The following GLIS3 variants were observed in gnomAD, a reference collection of about 807,000 sequenced individuals.
The protein encoded by GLIS3 is GLIS family zinc finger 3, also known as zinc finger protein GLIS3.
Under a neutral mutation model 78.6 loss-of-function variants are expected in GLIS3, and 53 were observed. The ratio of observed to expected loss-of-function variants is 0.67; its 90% confidence interval spans 0.54 to 0.85. GLIS3 has a LOEUF of 0.85. Among genes scored for constraint, GLIS3 ranks in the 40% least tolerant of loss-of-function variants. GLIS3 has a pLI of 0.00. For synonymous variants in GLIS3, 684 were observed against 509.9 expected (o/e 1.34, Z -4.60); for missense variants, 1,703 against 1,231.1 (o/e 1.38, Z -5.74).
At chr9:4,403,203 A>G in the GLIS3 span, among the ~76,000 whole-genome samples, 11 of 152,290 alleles carry the variant, frequency 7.2e-5, no homozygotes, top group South Asian at 1.0e-3. Context: ...CTTTTACCCT[A>G]TCTGGTGAAA....
the GLIS3 span, among the ~76,000 whole-genome samples, chr9:4,434,621 T>C: frequency 2.0e-5 from 3 of 152,258 alleles, no homozygotes; most frequent in Non-Finnish European, 2.9e-5. Flanking sequence ...GATGGATACA[T>C]GGAGGTGAAG....
chr9:4,079,482 C>T (rs895556525), intron 4 of GLIS3, among the ~76,000 whole-genome samples: 17 of 152,250 alleles, frequency 1.1e-4, no homozygotes, highest in African/African-American at 4.1e-4. Flanking sequence ...CAGTTCATCC[C>T]ACTGATAAGA....
chr9:3,848,085 A>G (rs957971361), intron 9 of GLIS3, among the ~76,000 whole-genome samples: 2 of 152,252 alleles, frequency 1.3e-5, no homozygotes, highest in African/African-American at 4.8e-5. Context: ...ATGTGACACA[A>G]TGCTTAAGTT....
At chr9:4,261,277 C>G (rs1427956443) in intron 2 of GLIS3, among the ~76,000 whole-genome samples, 2 of 152,178 alleles carry the variant, frequency 1.3e-5, no homozygotes, top group African/African-American at 4.8e-5. Context: ...GTGAGCAGCT[C>G]TTTCCTCTGG....
intron 2 of GLIS3, among the ~76,000 whole-genome samples, chr9:4,138,155 G>T (rs1448241302): frequency 6.6e-6 from 1 of 152,210 alleles, no homozygotes; most frequent in Non-Finnish European, 1.5e-5. Flanking sequence ...GGACACATCT[G>T]TGAAAATATA....
intron 2 of GLIS3, among the ~76,000 whole-genome samples, chr9:4,320,519 T>G (rs1368783571): frequency 2.0e-5 from 3 of 152,210 alleles, no homozygotes; most frequent in African/African-American, 7.2e-5. Context: ...TATTTCTAAA[T>G]TCTGTAGATT....
intron 4 of GLIS3, among the ~76,000 whole-genome samples, chr9:3,947,095 A>G (rs1030198322): frequency 3.9e-5 from 6 of 152,216 alleles, no homozygotes; most frequent in African/African-American, 1.4e-4. Context: ...GTCCCAGGTT[A>G]TAACTATGCT....
At chr9:4,080,276 C>A (rs990281730) in intron 4 of GLIS3, among the ~76,000 whole-genome samples, 1 of 152,212 alleles carries the variant, frequency 6.6e-6, no homozygotes, top group Non-Finnish European at 1.5e-5. Flanking sequence ...AGGTATTGTG[C>A]TAGGCACTAG....
chr9:3,891,066 C>CAAAAAAAAAAA (rs58449134), intron 7 of GLIS3, among the ~76,000 whole-genome samples: 4 of 126,952 alleles, frequency 3.2e-5, no homozygotes, highest in African/African-American at 1.2e-4. Flanking sequence ...CTTCCTTCCT[C>CAAAAAAAAAAA]AAAAAAAAAA....
At chr9:4,242,027 C>T (rs1365421171) in intron 2 of GLIS3, among the ~76,000 whole-genome samples, 1 of 152,166 alleles carries the variant, frequency 6.6e-6, no homozygotes, top group Non-Finnish European at 1.5e-5. Context: ...TTACTGTTCT[C>T]TTCTTACATG....
intron 2 of GLIS3, among the ~76,000 whole-genome samples, chr9:4,314,987 A>G (rs1817416936): frequency 6.6e-6 from 1 of 152,214 alleles, no homozygotes; most frequent in Non-Finnish European, 1.5e-5. Flanking sequence ...TGCCAAGACC[A>G]TAGCTTGTGA....
At chr9:4,466,870 T>A in the GLIS3 span, among the ~76,000 whole-genome samples, 1 of 152,158 alleles carries the variant, frequency 6.6e-6, no homozygotes, top group Non-Finnish European at 1.5e-5. Flanking sequence ...GTCGGGGTAT[T>A]CCCCTTCCTA....
intron 8 of GLIS3, among the ~76,000 whole-genome samples, chr9:3,857,921 G>C (rs1819893860): frequency 6.6e-6 from 1 of 152,174 alleles, no homozygotes; most frequent in Non-Finnish European, 1.5e-5. Flanking sequence ...GAGGTTGTGG[G>C]AGAGCGATGA....
At chr9:4,386,114 T>C in the GLIS3 span, among the ~76,000 whole-genome samples, 5 of 152,304 alleles carry the variant, frequency 3.3e-5, no homozygotes, top group South Asian at 1.0e-3. Flanking sequence ...CCCTTTATTG[T>C]AACAGCACAT....
chr9:4,094,228 G>C (rs1053442106), intron 4 of GLIS3, among the ~76,000 whole-genome samples: 1 of 152,156 alleles, frequency 6.6e-6, no homozygotes, highest in Non-Finnish European at 1.5e-5. Flanking sequence ...TTATTAAGAA[G>C]ACAAACATTT....
rs746324052 is a variant in GLIS3 at position 4,118,503 on chromosome 9, C to G, written c.975G>C (p.Thr325=). 1 of 1,614,198 alleles carries G rather than the reference C, an allele frequency of 6.2e-7. No individual in the cohort carries two copies. Among genetic ancestry groups the G allele is most frequent in the South Asian group, 1.1e-5 (1 of 91,086 alleles). ...ACCCGTTGATGTAGGCCACCAAGGACGTGGGCGACGTGCGGATGATGGTAT... is the reference window on the plus strand; with the variant it reads ...ACCCGTTGATGTAGGCCACCAAGGAGGTGGGCGACGTGCGGATGATGGTAT... The part of the protein sequence containing the change: ...DFNTIIRTSP[T]SLVAYINGSR... Residue 325 remains threonine (T), a synonymous_variant, in exon 4 of 11, where the codon ACG becomes ACC. Coordinates refer to ENST00000381971, the MANE Select transcript of GLIS3 (RefSeq NM_001042413.2). The surrounding 1 kb of genome is among the most constrained non-coding windows in gnomAD (Gnocchi z 4.7).
At chr9:4,239,022 A>G (rs1014242681) in intron 2 of GLIS3, among the ~76,000 whole-genome samples, 3 of 151,722 alleles carry the variant, frequency 2.0e-5, no homozygotes, top group Non-Finnish European at 2.9e-5. Context: ...TGAACTCATC[A>G]TTTTTTATGG....
At chr9:4,099,816 C>G (rs73643705) in intron 4 of GLIS3, among the ~76,000 whole-genome samples, 1 of 152,204 alleles carries the variant, frequency 6.6e-6, no homozygotes, top group African/African-American at 2.4e-5. Context: ...CCTCATTCCA[C>G]AGAGAATTTA....
intron 6 of GLIS3, among the ~76,000 whole-genome samples, chr9:3,927,841 A>C (rs623295): frequency 0.83 from 126,543 of 152,196 alleles, 53,316 homozygotes; most frequent in Middle Eastern, 0.9. Flanking sequence ...CTGGTTTCAA[A>C]TCCAAATCAC....
Sources: allele counts gnomAD v4.1 joint callset (sites outside exome capture counted in the v4.1 genomes callset), GRCh38; gene constraint gnomAD v4.1.1; non-coding constraint Gnocchi (gnomAD v3.1); transcripts MANE v1.5; gene names NCBI Gene and HGNC (gene_info 2026-07-23, HGNC 2026-07-21).